Variants in UBFD1 observed in about 807,000 individuals in gnomAD.
UBFD1 encodes ubiquitin family domain containing 1, also known as ubiquitin domain-containing protein UBFD1.
Under a neutral mutation model 35.1 loss-of-function variants are expected in UBFD1, and 12 were observed. The observed-to-expected ratio is 0.34, with a 90% CI of 0.22 to 0.55. UBFD1 has a LOEUF of 0.55. Among genes scored for constraint, UBFD1 ranks in the 20% least tolerant of loss-of-function variants. The pLI is 0.89. For synonymous variants in UBFD1, 178 were observed against 167.6 expected, an observed-to-expected ratio of 1.06 and a Z score of -0.48; for missense variants, 337 against 410.8, an observed-to-expected ratio of 0.82 and a Z score of 1.55.
At chr16:23,559,945 A>G (rs1405930824) in intron 3 of UBFD1, 11 of 1,384,834 alleles carry the variant, frequency 7.9e-6, no homozygotes, top group Non-Finnish European at 1.1e-5. Context: ...GTTGAAAGGA[A>G]TCAGACGTGG....
chr16:23,562,273 T>G lies in UBFD1; in HGVS notation c.630+2T>G. ...ATGCCATCTGTTAAGGGGGCCCAGG[T>G]AAGGCGGATTTCTTTGTGAGCATTC... is the stretch of plus-strand genomic sequence containing the variant. On this transcript the variant is annotated splice_donor_variant, in intron 4 of 6. Coordinates refer to ENST00000395878, the MANE Select transcript of UBFD1 (RefSeq NM_019116.3). LOFTEE classifies it high-confidence loss of function. The G allele has an allele frequency of 6.2e-7, 1 of 1,613,712 alleles. No individual in the cohort carries two copies. The highest frequency in any genetic ancestry group is 8.5e-7 in the Non-Finnish European group (1 of 1,179,868).
At chr16:23,561,844 G>A (rs950070021) in intron 3 of UBFD1, 1 of 185,480 alleles carries the variant, frequency 5.4e-6, no homozygotes, top group African/African-American at 2.4e-5. Context: ...TTTTTTTGAG[G>A]GGAGGAGGGC....
Position 23,559,611 on chromosome 16 carries a change from A to G in UBFD1, c.499A>G (p.Lys167Glu). The G allele has an allele frequency of 6.2e-7, 1 of 1,614,254 alleles. No homozygotes were observed. Among genetic ancestry groups the G allele is most frequent in the Non-Finnish European group, 8.5e-7 (1 of 1,180,048 alleles). The stretch of plus-strand genomic sequence containing the variant: ...TGATGTTTTAGCAGTAAACACACCC[A>G]AAGATGCTGCGCAGCAGGATGCAAA... ...INDVLAVNTP[K>E]DAAQQDAKAE... Residue 167 changes from lysine to glutamate, a missense_variant, in exon 3 of 7, where the codon AAA (lysine) becomes GAA (glutamate). Around this residue, in one of 4 missense-constraint regions of UBFD1, gnomAD observed 44 missense variants for 39.2 expected, o/e 1.12. Coordinates refer to ENST00000395878, the MANE Select transcript of UBFD1 (RefSeq NM_019116.3).
chr16:23,569,175 A>G (rs984874762), intron 6 of UBFD1: 4 of 152,304 alleles, frequency 2.6e-5, no homozygotes, highest in Admixed American at 2.6e-4. Context: ...GGCAGATGCT[A>G]TTTCTCTAGC....
intron 5 of UBFD1, chr16:23,565,418 A>T (rs1159954718): frequency 1.3e-5 from 2 of 152,216 alleles, no homozygotes; most frequent in Non-Finnish European, 1.5e-5. Flanking sequence ...TGAAGGTCTG[A>T]TGTAGTGATC....
intron 3 of UBFD1, chr16:23,559,969 AT>A: frequency 8.4e-7 from 1 of 1,183,922 alleles, no homozygotes; most frequent in Non-Finnish European, 1.1e-6. Context: ...TCTCTCTCTT[AT>A]TTAGTGCCAG....
chr16:23,567,109 T>C, intron 6 of UBFD1, 40 bp downstream of exon 6: 1 of 1,580,440 alleles, frequency 6.3e-7, no homozygotes. Context: ...CTCACTAGAC[T>C]CCCACTTCAC....
Position 23,562,270 on chromosome 16 carries a change from A to G in UBFD1, c.629A>G (p.Gln210Arg). The G allele has an allele frequency of 6.2e-7, 1 of 1,613,868 alleles. No individual in the cohort carries two copies. The highest frequency in any genetic ancestry group is 8.5e-7 in the Non-Finnish European group (1 of 1,179,886). The change falls in exon 4 of 7, where the codon CAG (glutamine) becomes CGG (arginine). Residue 210 changes from glutamine (Q) to arginine (R), a missense_variant and splice_region_variant. By Grantham distance (43) the Gln-to-Arg change is conservative (BLOSUM62 1). Coordinates refer to ENST00000395878, the MANE Select transcript of UBFD1 (RefSeq NM_019116.3). ...EDVMPSVKGA[Q>R]ERLPTVPLSG... ...GTGATGCCATCTGTTAAGGGGGCCCAGGTAAGGCGGATTTCTTTGTGAGCA... is the reference window on the plus strand; with the variant it reads ...GTGATGCCATCTGTTAAGGGGGCCCGGGTAAGGCGGATTTCTTTGTGAGCA...
chr16:23,568,351 G>T (rs1966039282), intron 6 of UBFD1, among the ~76,000 whole-genome samples: 1 of 150,880 alleles, frequency 6.6e-6, no homozygotes, highest in South Asian at 2.1e-4. Flanking sequence ...GTAGAGATGG[G>T]GTTTCACCAT....
intron 3 of UBFD1, chr16:23,561,917 C>T: frequency 3.3e-6 from 1 of 298,968 alleles, no homozygotes; most frequent in Admixed American, 5.1e-5. Context: ...CCACATGTGG[C>T]TGGTTAAAAT....
chr16:23,568,805 G>A (rs1966045811), intron 6 of UBFD1: 1 of 151,960 alleles, frequency 6.6e-6, no homozygotes, highest in African/African-American at 2.4e-5. Context: ...TCCAGCCTAG[G>A]TGACAGAGAC....
intron 2 of UBFD1, chr16:23,559,207 T>C: frequency 2.9e-6 from 1 of 340,222 alleles, no homozygotes; most frequent in South Asian, 3.3e-5. Context: ...TGAACAATTA[T>C]TCAATGCTAG....
intron 5 of UBFD1, among the ~76,000 whole-genome samples, chr16:23,563,027 T>C (rs1965960366): frequency 6.6e-6 from 1 of 152,162 alleles, no homozygotes; most frequent in Admixed American, 6.5e-5. Context: ...CAGAAAAATG[T>C]TTTGTGGGAT....
chr16:23,558,057 G>A lies in UBFD1; in HGVS notation c.133G>A (p.Glu45Lys), dbSNP rs1192118453. 1.5e-6 allele frequency: 2 copies of A among 1,353,470 alleles called. No homozygotes were observed. Among genetic ancestry groups the A allele is most frequent in the South Asian group, 2.1e-5 (1 of 47,164 alleles). The allele number at this position is 1,353,470 out of a possible 1,614,324, so 83.8% of individuals were successfully genotyped here. A position where few individuals can be genotyped will look rare whatever the true frequency, so the allele number is the denominator to read the frequency against. Residue 45 changes from glutamate to lysine, a missense_variant, in exon 2 of 7, where the codon GAG becomes AAG. Glu to Lys is a moderately conservative substitution (Grantham distance 56). Transcript: ENST00000395878. ...EAEAAAGAAA[E>K]DSGAARGSLQ... Reference sequence around the variant, plus strand: ...TGAAGCCGCGGCGGGGGCGGCGGCCGAGGACTCCGGCGCCGCACGAGGCAG... The same window carrying A: ...TGAAGCCGCGGCGGGGGCGGCGGCCAAGGACTCCGGCGCCGCACGAGGCAG...
chr16:23,562,266 G>A lies in UBFD1; in HGVS notation c.625G>A (p.Ala209Thr), dbSNP rs113389014. 1 of 1,613,886 alleles carries A rather than the reference G, an allele frequency of 6.2e-7. No individual in the cohort carries two copies. Among genetic ancestry groups the A allele is most frequent in the Non-Finnish European group, 8.5e-7 (1 of 1,179,914 alleles). Reference sequence around the variant, plus strand: ...AGATGTGATGCCATCTGTTAAGGGGGCCCAGGTAAGGCGGATTTCTTTGTG... The same window carrying A: ...AGATGTGATGCCATCTGTTAAGGGGACCCAGGTAAGGCGGATTTCTTTGTG... ...PEDVMPSVKG[A>T]QERLPTVPLS... The change falls in exon 4 of 7, where the codon GCC becomes ACC. Residue 209 changes from alanine (A) to threonine (T), a missense_variant. Ala to Thr is a moderately conservative substitution (Grantham distance 58, BLOSUM62 0). Around this residue, in one of 4 missense-constraint regions of UBFD1, gnomAD observed 71 missense variants for 149.6 expected, o/e 0.47. Transcript: ENST00000395878.
In UBFD1 at chr16:23,567,079, G is replaced by A. The variant is rs760847740; in HGVS notation, c.819+10G>A. On this transcript the variant is annotated intron_variant, in intron 6 of 6. Transcript: ENST00000395878. ...AGACTACCACATGATGGTAAGTAGC[G>A]CTGGCTGAGTTCAGCCCCTCTCACT... The A allele has an allele frequency of 1.4e-5, 22 of 1,613,690 alleles. No individual in the cohort carries two copies. Among genetic ancestry groups the A allele is most frequent in the Non-Finnish European group, 1.6e-5 (19 of 1,179,738 alleles).
chr16:23,558,296 T>C lies in UBFD1; in HGVS notation c.355+17T>C, dbSNP rs755740931. On this transcript the variant is annotated intron_variant, in intron 2 of 6. Transcript: ENST00000395878. ...CGATTACAGGTAATTCCTGTGGCGC[T>C]GACAGCCAGTCTTCCCCACCCCGCC... The C allele has an allele frequency of 1.3e-6, 2 of 1,592,382 alleles. No homozygotes were observed. The highest frequency in any genetic ancestry group is 1.7e-6 in the Non-Finnish European group (2 of 1,170,346).
rs1024899734 is a variant in UBFD1 at position 23,572,891 on chromosome 16, C to T, written c.*2301C>T. 3.3e-5 allele frequency: 5 copies of T among 152,202 alleles called. No homozygotes were observed. The highest frequency in any genetic ancestry group is 5.9e-5 in the Non-Finnish European group (4 of 68,038). 9.4% of individuals were successfully genotyped at this position (152,202 alleles called of 1,614,324 possible). ...TCAACAATCTTGAGCTCTGTGGCTCCTCACCCTGTCTGCATGGAAGACCTT... is the reference window on the plus strand; with the variant it reads ...TCAACAATCTTGAGCTCTGTGGCTCTTCACCCTGTCTGCATGGAAGACCTT... On this transcript the variant is annotated 3_prime_UTR_variant, in exon 7 of 7. Transcript: ENST00000395878.
At chr16:23,566,864 G>T in intron 5 of UBFD1, 123 bp from the exon 6 acceptor site, 1 of 876,936 alleles carries the variant, frequency 1.1e-6, no homozygotes, top group Non-Finnish European at 1.8e-6. Context: ...CAGAGGGCAT[G>T]GCGCCAGTCA....
Sources: gnomAD v4.1 joint callset for allele counts (sites outside exome capture counted in the v4.1 genomes callset) on GRCh38, gnomAD v4.1.1 for gene constraint, gnomAD v4.1.1 regional missense constraint, MANE v1.5 for transcripts, NCBI Gene and HGNC (gene_info 2026-07-23, HGNC 2026-07-21) for gene names.